The following ZNF775 variants were observed in gnomAD, a reference collection of about 807,000 sequenced individuals.
The protein encoded by ZNF775 is zinc finger protein 775.
A neutral mutation model predicts 2.4 loss-of-function variants in ZNF775; 1 was observed. That is an observed-to-expected ratio of 0.41 (90% confidence interval 0.15 to 1.94). ZNF775 has a LOEUF of 1.94. Among genes scored for constraint, ZNF775 ranks in the 30% most tolerant of loss-of-function variants. The pLI is 0.30. For missense variants in ZNF775, 823 were observed against 826.6 expected (o/e 1.00, Z 0.05); for synonymous variants, 381 against 373.3 (o/e 1.02, Z -0.24).
chr7:150,389,552 A>G lies in ZNF775; in HGVS notation c.31+1051A>G, dbSNP rs563206068. On this transcript the variant is annotated intron_variant, in intron 2 of 2. Coordinates refer to ENST00000329630, the MANE Select transcript of ZNF775 (RefSeq NM_173680.4). ...GAAATTCCAGTGGAACTCAGAGCAC[A>G]TGTGCCCAGCGTGTTATAGAAGGCC... Among the ~76,000 whole-genome samples the G allele has an allele frequency of 2.5e-3, 386 of 152,312 alleles. 9 individuals are homozygous for G. Among genetic ancestry groups the G allele is most frequent in the South Asian group, 0.024 (118 of 4,826 alleles).
rs774702423 is a variant in ZNF775 at position 150,397,985 on chromosome 7, T to A, written c.1504T>A (p.Tyr502Asn). ...GCGCAACCACACAGGCGAGCGGCCC[T>A]ACCTGTGTCCCGCCTGCGGCCGCGG... ...HRRNHTGERP[Y>N]LCPACGRGFS... The change falls in exon 3 of 3, where the codon TAC becomes AAC. Residue 502 changes from tyrosine to asparagine, a missense_variant. Tyr to Asn is a moderately radical substitution (Grantham distance 143). Coordinates refer to ENST00000329630, the MANE Select transcript of ZNF775 (RefSeq NM_173680.4). 20 of 1,596,446 alleles carry A rather than the reference T, an allele frequency of 1.3e-5. No homozygotes were observed. The highest frequency in any genetic ancestry group is 1.7e-5 in the Non-Finnish European group (20 of 1,177,278).
At chr7:150,395,378 T>C (rs1317080334) in intron 2 of ZNF775, among the ~76,000 whole-genome samples, 4 of 152,230 alleles carry the variant, frequency 2.6e-5, no homozygotes, top group Non-Finnish European at 2.9e-5. Flanking sequence ...TAAAGATTTT[T>C]CTCTTTGTTC....
chr7:150,390,273 G>A (rs1196526499), intron 2 of ZNF775, among the ~76,000 whole-genome samples: 1 of 152,102 alleles, frequency 6.6e-6, no homozygotes, highest in African/African-American at 2.4e-5. Flanking sequence ...CAGCTCCAGG[G>A]CCTCCAGGGA....
intron 1 of ZNF775, among the ~76,000 whole-genome samples, chr7:150,383,468 G>C (rs1002796535): frequency 6.6e-6 from 1 of 152,232 alleles, no homozygotes; most frequent in Non-Finnish European, 1.5e-5. Flanking sequence ...AGAGGACTGG[G>C]TGAGGACATA....
chr7:150,391,313 G>T (rs922735888), intron 2 of ZNF775, among the ~76,000 whole-genome samples: 1 of 152,040 alleles, frequency 6.6e-6, no homozygotes, highest in African/African-American at 2.4e-5. Flanking sequence ...TTTGAGACCC[G>T]CCTGGCCAAC....
chr7:150,391,898 G>A (rs1800566261), intron 2 of ZNF775, among the ~76,000 whole-genome samples: 1 of 151,798 alleles, frequency 6.6e-6, no homozygotes, highest in Non-Finnish European at 1.5e-5. Context: ...ATTTTTAGTA[G>A]AGACGGGGTT....
Position 150,384,770 on chromosome 7 carries a change from C to T in ZNF775, c.-49-3652C>T, listed in dbSNP as rs77764953. Among the ~76,000 whole-genome samples, 733 of 152,306 alleles carry T rather than the reference C, an allele frequency of 4.8e-3. 8 individuals are homozygous for T. Among genetic ancestry groups the T allele is most frequent in the African/African-American group, 0.017 (702 of 41,560 alleles). ...CTGGTATGGCCCGAGACAGAGGCAC[C>T]GAGGCTTGAGGGAGGAGCTGCTCTG... is the stretch of plus-strand genomic sequence containing the variant. On this transcript the variant is annotated intron_variant, in intron 1 of 2. Transcript: ENST00000329630. The surrounding 1 kb of genome is among the most constrained non-coding windows in gnomAD (Gnocchi z 4.1).
At chr7:150,385,867 G>A (rs1367557772) in intron 1 of ZNF775, among the ~76,000 whole-genome samples, 1 of 152,198 alleles carries the variant, frequency 6.6e-6, no homozygotes, top group Non-Finnish European at 1.5e-5. Context: ...CTGGGAGGCA[G>A]GGGTGATGTC....
chr7:150,385,263 G>GGGGAAATA (rs1800430040), intron 1 of ZNF775, among the ~76,000 whole-genome samples: 1 of 152,186 alleles, frequency 6.6e-6, no homozygotes, highest in Non-Finnish European at 1.5e-5. Flanking sequence ...GGCCCCTGTT[G>GGGGAAATA]GGGAAATAGA....
chr7:150,391,932 T>C (rs1043833995), intron 2 of ZNF775, among the ~76,000 whole-genome samples: 3 of 152,104 alleles, frequency 2.0e-5, no homozygotes, highest in African/African-American at 7.2e-5. Context: ...CAGGCTGGTC[T>C]TGAACTCCTG....
At chr7:150,389,416 A>C (rs1357101635) in intron 2 of ZNF775, among the ~76,000 whole-genome samples, 1 of 152,260 alleles carries the variant, frequency 6.6e-6, no homozygotes, top group Non-Finnish European at 1.5e-5. Context: ...AGTGCAAAAC[A>C]TGGCAGCGTG....
Position 150,395,739 on chromosome 7 carries a change from G to A in ZNF775, c.32-774G>A, listed in dbSNP as rs533328934. Among the ~76,000 whole-genome samples the A allele has an allele frequency of 3.9e-5, 6 of 152,320 alleles. No homozygotes were observed. In the East Asian group the frequency reaches 5.8e-4, roughly 15 times the overall value. On this transcript the variant is annotated intron_variant, in intron 2 of 2. Coordinates refer to ENST00000329630, the MANE Select transcript of ZNF775 (RefSeq NM_173680.4). ...AAAGTGCCTCTGTAGACTTGTGCAC[G>A]GCCCAAGTGTGGGCTGGGAGCAGTG...
rs574292647 is a variant in ZNF775 at position 150,395,214 on chromosome 7, CA to C, written c.32-1296del. On this transcript the variant is annotated intron_variant, in intron 2 of 2. Coordinates refer to ENST00000329630, the MANE Select transcript of ZNF775 (RefSeq NM_173680.4). Reference sequence around the variant, plus strand: ...AAATCTTCTATTTCATATAGATTTTCAAATTTATTTATATAAAGTCCATATT... The same window carrying C: ...AAATCTTCTATTTCATATAGATTTTCAATTTATTTATATAAAGTCCATATT... Among the ~76,000 whole-genome samples, 1,032 of 152,278 alleles carry C rather than the reference CA, an allele frequency of 6.8e-3. 8 individuals are homozygous for C. Among genetic ancestry groups the C allele is most frequent in the African/African-American group, 0.024 (998 of 41,546 alleles).
In ZNF775 at chr7:150,388,484, T is replaced by A. The variant is rs1288540518; in HGVS notation, c.14T>A (p.Leu5Gln). Residue 5 changes from leucine (L) to glutamine (Q), a missense_variant, in exon 2 of 3, where the codon CTG becomes CAG. Transcript: ENST00000329630. MESG[L>Q]AGNGTGAGLV... ...AGGCCTCCAGGGATGGAGAGTGGCC[T>A]GGCTGGCAACGGCACAGGTAAGAGA... 6.4e-7 allele frequency: 1 copy of A among 1,551,696 alleles called. No homozygotes were observed. Among genetic ancestry groups the A allele is most frequent in the Non-Finnish European group, 8.7e-7 (1 of 1,147,076 alleles).
rs1240278604 is a variant in ZNF775 at position 150,381,259 on chromosome 7, G to A, written c.-50+1867G>A. On this transcript the variant is annotated intron_variant, in intron 1 of 2. Transcript: ENST00000329630. ...ACCTCTGGCCGGTGAAGGAAGTCTT[G>A]GAAGGAGGTACCTCAGGATCATGGC... Among the ~76,000 whole-genome samples the A allele has an allele frequency of 2.6e-5, 4 of 152,134 alleles. No homozygotes were observed. In the East Asian group the frequency reaches 7.7e-4, roughly 29 times the overall value.
intron 2 of ZNF775, among the ~76,000 whole-genome samples, chr7:150,394,323 G>A (rs990536152): frequency 6.6e-6 from 1 of 151,868 alleles, no homozygotes; most frequent in Admixed American, 6.6e-5. Context: ...TTTGTACTGG[G>A]CAATCTTGCT....
intron 2 of ZNF775, among the ~76,000 whole-genome samples, chr7:150,391,258 A>G (rs537329690): frequency 6.6e-6 from 1 of 152,252 alleles, no homozygotes; most frequent in Non-Finnish European, 1.5e-5. Flanking sequence ...CTGTAATCCC[A>G]GCACTTTGGG....
chr7:150,393,996 T>C (rs1427771965), intron 2 of ZNF775, among the ~76,000 whole-genome samples: 1 of 152,248 alleles, frequency 6.6e-6, no homozygotes, highest in Non-Finnish European at 1.5e-5. Flanking sequence ...ATGTGTACAG[T>C]GGTAGCATTT....
intron 2 of ZNF775, among the ~76,000 whole-genome samples, chr7:150,392,276 C>G (rs73474388): frequency 1.3e-5 from 2 of 152,202 alleles, no homozygotes; most frequent in South Asian, 2.1e-4. Flanking sequence ...GGTTCTAAGT[C>G]GATGAATAGC....
Sources: allele counts gnomAD v4.1 joint callset (sites outside exome capture counted in the v4.1 genomes callset), GRCh38; gene constraint gnomAD v4.1.1; non-coding constraint Gnocchi (gnomAD v3.1); transcripts MANE v1.5; gene names NCBI Gene and HGNC (gene_info 2026-07-23, HGNC 2026-07-21).